Variants in HIKESHI observed in about 807,000 individuals in gnomAD.
The protein encoded by HIKESHI is heat shock protein nuclear import factor hikeshi.
HIKESHI carries 13 observed loss-of-function variants against 25.7 expected under a neutral mutation model. That is an observed-to-expected ratio of 0.51 (90% CI 0.33 to 0.80). HIKESHI has a LOEUF of 0.80. HIKESHI is among the 30% of genes least tolerant of loss of function. HIKESHI has a pLI of 0.02. For synonymous variants in HIKESHI, 76 were observed against 78.7 expected, an observed-to-expected ratio of 0.97 and a Z score of 0.18; for missense variants, 174 against 229.5, an observed-to-expected ratio of 0.76 and a Z score of 1.56.
At chr11:86,344,953 C>G (rs1947834858) in intron 4 of HIKESHI, 2 of 534,996 alleles carry the variant, frequency 3.7e-6, no homozygotes, top group Non-Finnish European at 6.2e-6. Context: ...ATATAGTTGC[C>G]TATGTTTTAG....
chr11:86,331,590 GA>G (rs1947426666), intron 2 of HIKESHI, among the ~76,000 whole-genome samples: 1 of 152,156 alleles, frequency 6.6e-6, no homozygotes, highest in African/African-American at 2.4e-5. Context: ...AGCTCTTTGA[GA>G]ATAGGGATGT....
intron 2 of HIKESHI, among the ~76,000 whole-genome samples, chr11:86,311,647 A>G (rs963896673): frequency 2.0e-5 from 3 of 151,706 alleles, no homozygotes; most frequent in Admixed American, 6.6e-5. Flanking sequence ...TTTAATTGTG[A>G]CGTTAGGGTG....
intron 2 of HIKESHI, among the ~76,000 whole-genome samples, chr11:86,314,864 AT>A (rs1946932112): frequency 6.6e-6 from 1 of 152,184 alleles, no homozygotes; most frequent in South Asian, 2.1e-4. Flanking sequence ...AGAAATGCCG[AT>A]TCCTGGCAAG....
At chr11:86,306,674 T>C (rs2138285534) in intron 2 of HIKESHI, among the ~76,000 whole-genome samples, 192 bp downstream of exon 2, 1 of 152,168 alleles carries the variant, frequency 6.6e-6, no homozygotes, top group African/African-American at 2.4e-5. Flanking sequence ...GCTCCTCTTG[T>C]TGTTCATTTT....
At chr11:86,312,768 C>T (rs1946866242) in intron 2 of HIKESHI, among the ~76,000 whole-genome samples, 1 of 152,144 alleles carries the variant, frequency 6.6e-6, no homozygotes, top group Non-Finnish European at 1.5e-5. Context: ...GACAAAATCT[C>T]TCAGCATTTG....
rs934731036 is a variant in HIKESHI at position 86,325,169 on chromosome 11, C to A, written c.269-12210C>A. On this transcript the variant is annotated intron_variant, in intron 2 of 4. Transcript: ENST00000278483. ...CTCCAGCCTGGATGACAGAGTGAGA[C>A]CCTGTCTCAAAAAAAAAGGAAAAAA... is the stretch of plus-strand genomic sequence containing the variant. Among the ~76,000 whole-genome samples the A allele has an allele frequency of 2.5e-4, 38 of 151,600 alleles. 1 individual carries two copies. Among genetic ancestry groups the A allele is most frequent in the African/African-American group, 9.0e-4 (37 of 41,278 alleles).
intron 2 of HIKESHI, among the ~76,000 whole-genome samples, chr11:86,336,894 A>G (rs1438020956): frequency 1.3e-5 from 2 of 151,988 alleles, no homozygotes; most frequent in Non-Finnish European, 2.9e-5. Flanking sequence ...CAGAGACCCC[A>G]TAGTCTTCTA....
At chr11:86,318,056 G>A (rs1947036363) in intron 2 of HIKESHI, among the ~76,000 whole-genome samples, 1 of 151,956 alleles carries the variant, frequency 6.6e-6, no homozygotes, top group South Asian at 2.1e-4. Context: ...TGTAATCCCA[G>A]CACTTTGGGA....
intron 2 of HIKESHI, among the ~76,000 whole-genome samples, chr11:86,322,772 A>G (rs1204475034): frequency 2.0e-5 from 3 of 151,860 alleles, no homozygotes; most frequent in Non-Finnish European, 4.4e-5. Context: ...ATTAAATTTA[A>G]TATTTATTGC....
At chr11:86,313,041 G>A (rs1593818850) in intron 2 of HIKESHI, among the ~76,000 whole-genome samples, 1 of 152,016 alleles carries the variant, frequency 6.6e-6, no homozygotes, top group African/African-American at 2.4e-5. Context: ...GTGTCTTGGA[G>A]TTGCGCTTCT....
At chr11:86,323,317 G>GT (rs1195351376) in intron 2 of HIKESHI, among the ~76,000 whole-genome samples, 3 of 152,120 alleles carry the variant, frequency 2.0e-5, no homozygotes, top group East Asian at 3.9e-4. Context: ...TACTTTTATA[G>GT]TTTTTTTGAC....
At chr11:86,334,958 G>A (rs1027181927) in intron 2 of HIKESHI, among the ~76,000 whole-genome samples, 2 of 152,136 alleles carry the variant, frequency 1.3e-5, no homozygotes, top group African/African-American at 2.4e-5. Flanking sequence ...AACTTTTTTG[G>A]AACTCTGGTA....
At chr11:86,325,581 G>T (rs1947257908) in intron 2 of HIKESHI, among the ~76,000 whole-genome samples, 1 of 151,636 alleles carries the variant, frequency 6.6e-6, no homozygotes, top group Non-Finnish European at 1.5e-5. Context: ...TAACAAAAAA[G>T]TGGCACATGT....
At position 86,302,243 on chromosome 11, in the gene HIKESHI, G is replaced by T. The variant is rs368971339; in HGVS notation, c.-206G>T. The T allele has an allele frequency of 1.0e-5, 6 of 598,144 alleles. No individual in the cohort carries two copies. The highest frequency in any genetic ancestry group is 8.1e-5 in the Admixed American group (3 of 37,050). The allele number at this position is 598,144 out of a possible 1,614,324, so 37.1% of individuals were successfully genotyped here. A position where few individuals can be genotyped will look rare whatever the true frequency, so the allele number is the denominator to read the frequency against. ...GGTGTAAGCCCCGGAAGTACTTGTT[G>T]CCTGAGCAGTGGGCTGCTTAGGAAG... On this transcript the variant is annotated 5_prime_UTR_variant, in exon 1 of 5. Coordinates refer to ENST00000278483, the MANE Select transcript of HIKESHI (RefSeq NM_016401.4).
chr11:86,325,555 A>C (rs899216376), intron 2 of HIKESHI, among the ~76,000 whole-genome samples: 2 of 151,808 alleles, frequency 1.3e-5, no homozygotes, highest in South Asian at 2.1e-4. Flanking sequence ...GGAACATGGG[A>C]TATGAAATCC....
intron 2 of HIKESHI, among the ~76,000 whole-genome samples, chr11:86,333,323 G>T (rs901254790): frequency 5.9e-5 from 9 of 152,048 alleles, no homozygotes; most frequent in Admixed American, 4.6e-4. Context: ...ATCACTTGAG[G>T]TCAAGAGTTC....
intron 3 of HIKESHI, among the ~76,000 whole-genome samples, chr11:86,342,871 G>A (rs781759066): frequency 9.9e-5 from 15 of 151,996 alleles, no homozygotes; most frequent in Admixed American, 1.3e-4. Context: ...AATATGTATA[G>A]GTATTCTTCA....
intron 4 of HIKESHI, chr11:86,345,114 T>C: frequency 9.5e-6 from 10 of 1,057,572 alleles, no homozygotes; most frequent in Non-Finnish European, 1.1e-5. Flanking sequence ...TCACTTTGAG[T>C]ATCCTAGAGA....
chr11:86,305,799 G>T (rs888746060), intron 1 of HIKESHI, among the ~76,000 whole-genome samples: 1 of 151,928 alleles, frequency 6.6e-6, no homozygotes, highest in East Asian at 1.9e-4. Context: ...GGAGTGCAAT[G>T]GTATGGTCTC....
Sources: gnomAD v4.1 joint callset for allele counts (sites outside exome capture counted in the v4.1 genomes callset) on GRCh38, gnomAD v4.1.1 for gene constraint, MANE v1.5 for transcripts, NCBI Gene and HGNC (gene_info 2026-07-23, HGNC 2026-07-21) for gene names.